NLGN4X: variants seen among roughly 807,000 people sequenced by gnomAD.
NLGN4X encodes the protein neuroligin-4, X-linked.
Under a neutral mutation model 40.3 loss-of-function variants are expected in NLGN4X, and 3 were observed. The ratio of observed to expected loss-of-function variants is 0.07; its 90% CI spans 0.03 to 0.19. NLGN4X has a LOEUF of 0.19. NLGN4X is among the 10% of genes least tolerant of loss of function. NLGN4X has a pLI of 1.00. For missense variants in NLGN4X, 382 were observed against 708.3 expected (o/e 0.54, Z 5.23); for synonymous variants, 270 against 306.8 (o/e 0.88, Z 1.25).
In NLGN4X at chrX:5,891,318, C is replaced by G. The variant is rs1466856540; in HGVS notation, c.*1499G>C. On this transcript the variant is annotated 3_prime_UTR_variant, in exon 6 of 6. Coordinates refer to ENST00000381095, the MANE Select transcript of NLGN4X (RefSeq NM_181332.3). The stretch of plus-strand genomic sequence containing the variant: ...TTCTATCCTTTCTTCCCCCATTCTT[C>G]TATAATATTCACCGTTTGGTGACCG... The G allele has an allele frequency of 6.6e-5, 15 of 227,420 alleles. No individual in the cohort carries two copies. The highest frequency in any genetic ancestry group is 1.2e-4 in the Non-Finnish European group (15 of 126,333). 18.7% of individuals were successfully genotyped at this position (227,420 alleles called of 1,213,427 possible).
In NLGN4X at chrX:6,104,814, G is replaced by A. The variant is rs1301768111; in HGVS notation, c.472+46181C>T. Among the ~76,000 whole-genome samples, 10 of 111,207 alleles carry A rather than the reference G, an allele frequency of 9.0e-5. No individual in the cohort carries two copies. The Admixed American group carries it at 9.6e-4, about 11-fold the overall frequency. On this transcript the variant is annotated intron_variant, in intron 2 of 5. Coordinates refer to ENST00000381095, the MANE Select transcript of NLGN4X (RefSeq NM_181332.3). ...ATACCTGCAAGCCTCCTGCATGGAA[G>A]GTCAGGAGCACGGACAATGTATATG...
chrX:5,998,024 T>C (rs904025666), intron 3 of NLGN4X, among the ~76,000 whole-genome samples: 2 of 111,995 alleles, frequency 1.8e-5, no homozygotes, highest in Non-Finnish European at 3.8e-5. Flanking sequence ...CTTTGCTTAA[T>C]ACAACATCTT....
intron 1 of NLGN4X, among the ~76,000 whole-genome samples, chrX:6,222,637 T>C (rs1304684560): frequency 4.4e-5 from 5 of 112,442 alleles, no homozygotes; most frequent in Admixed American, 3.8e-4. Flanking sequence ...AGGATTACTC[T>C]TTTCCTGTCT....
chrX:5,905,826 C>A (rs1000088613), intron 4 of NLGN4X, among the ~76,000 whole-genome samples: 1 of 111,744 alleles, frequency 8.9e-6, no homozygotes, highest in South Asian at 3.8e-4. Flanking sequence ...ACAACAGATG[C>A]GTCTCTTTTT....
At chrX:6,088,291 C>T (rs767439398) in intron 2 of NLGN4X, among the ~76,000 whole-genome samples, 10 of 112,019 alleles carry the variant, frequency 8.9e-5, no homozygotes, top group Non-Finnish European at 1.7e-4. Flanking sequence ...TTCTTAAGCC[C>T]CTGCAGAAGC....
intron 3 of NLGN4X, among the ~76,000 whole-genome samples, chrX:6,007,674 G>A (rs776751341): frequency 1.6e-4 from 18 of 111,702 alleles, no homozygotes; most frequent in Non-Finnish European, 3.0e-4. Context: ...TGGCCTGCTT[G>A]CATCATGTAA....
At chrX:6,211,287 T>C (rs1372780018) in intron 1 of NLGN4X, among the ~76,000 whole-genome samples, 2 of 111,381 alleles carry the variant, frequency 1.8e-5, no homozygotes, top group Admixed American at 9.6e-5. Flanking sequence ...TAATGAAGAA[T>C]GCCCAATTTG....
intron 3 of NLGN4X, among the ~76,000 whole-genome samples, chrX:5,997,047 G>A (rs1038159079): frequency 9.0e-6 from 1 of 110,705 alleles, no homozygotes; most frequent in Non-Finnish European, 1.9e-5. Flanking sequence ...TAATGCGGTC[G>A]GAAGTTAGTA....
intron 3 of NLGN4X, among the ~76,000 whole-genome samples, chrX:5,967,295 C>T (rs767288709): frequency 1.5e-4 from 17 of 112,007 alleles, no homozygotes; most frequent in African/African-American, 4.8e-4. Context: ...TGATGGTCAG[C>T]GCAACTCCCT....
chrX:5,975,259 T>A (rs920266009), intron 3 of NLGN4X, among the ~76,000 whole-genome samples: 2 of 111,784 alleles, frequency 1.8e-5, no homozygotes, highest in South Asian at 3.7e-4. Flanking sequence ...TGCACTTGTT[T>A]AGGAAGTCAT....
At chrX:6,201,698 G>A (rs1435664344) in intron 1 of NLGN4X, among the ~76,000 whole-genome samples, 2 of 111,364 alleles carry the variant, frequency 1.8e-5, no homozygotes, top group Non-Finnish European at 3.8e-5. Flanking sequence ...GAGGAATTGA[G>A]AGGAGAAGAT....
chrX:5,893,313 T>C lies in NLGN4X; in HGVS notation c.1955A>G (p.Asp652Gly). The change falls in exon 6 of 6, where the codon GAC becomes GGC. Residue 652 changes from aspartate (D) to glycine (G), a missense_variant. Asp to Gly is a moderately conservative substitution (Grantham distance 94). Coordinates refer to ENST00000381095, the MANE Select transcript of NLGN4X (RefSeq NM_181332.3). ...GTCCTCAGGCCCTGTTTTGTGAGGG[T>C]CCTTAGAGTGTTTGGGATTGTTGGC... ...TPANNPKHSKDPHKTGPEDTT... is the reference protein window; with the variant it reads ...TPANNPKHSKGPHKTGPEDTT... The C allele has an allele frequency of 8.3e-7, 1 of 1,210,906 alleles. No homozygotes were observed. Among genetic ancestry groups the C allele is most frequent in the East Asian group, 3.0e-5 (1 of 33,815 alleles).
chrX:6,077,310 G>GTGGTTGTGTGTGGT (rs1168394609), intron 2 of NLGN4X, among the ~76,000 whole-genome samples: 1 of 102,516 alleles, frequency 9.8e-6, no homozygotes, highest in African/African-American at 3.5e-5. Context: ...GTGTGTGTGT[G>GTGGTTGTGTGTGGT]GTGTGTGTGT....
chrX:6,047,071 A>G (rs1361336244), intron 2 of NLGN4X, among the ~76,000 whole-genome samples: 3 of 110,240 alleles, frequency 2.7e-5, no homozygotes, highest in Non-Finnish European at 5.7e-5. Flanking sequence ...ACATATATAC[A>G]TATACATTTT....
In NLGN4X at chrX:6,153,052, A is replaced by T. The variant is rs1418911277; in HGVS notation, c.-305-1281T>A. 2.7e-5 allele frequency among the ~76,000 whole-genome samples: 3 copies of T among 112,882 alleles called. No homozygotes were observed. In the East Asian group the frequency reaches 8.3e-4, roughly 31 times the overall value. Reference sequence around the variant, plus strand: ...ATCCCCTAGGAACAGAAAATATTTCACTAGGTGTTGCAAGGAGGGTGCCTT... The same window carrying T: ...ATCCCCTAGGAACAGAAAATATTTCTCTAGGTGTTGCAAGGAGGGTGCCTT... On this transcript the variant is annotated intron_variant, in intron 1 of 5. Coordinates refer to ENST00000381095, the MANE Select transcript of NLGN4X (RefSeq NM_181332.3).
At chrX:6,225,169 G>A (rs1926102346) in intron 1 of NLGN4X, among the ~76,000 whole-genome samples, 1 of 105,379 alleles carries the variant, frequency 9.5e-6, no homozygotes, top group Admixed American at 1.0e-4. Context: ...TGAAATTCCT[G>A]TATTCTTAAT....
chrX:5,941,104 G>T (rs941166854), intron 3 of NLGN4X, among the ~76,000 whole-genome samples: 7 of 103,249 alleles, frequency 6.8e-5, no homozygotes, highest in Non-Finnish European at 1.2e-4. Context: ...CTCCAGCGTG[G>T]GTGACAGAGT....
rs377695989 is a variant in NLGN4X at position 6,003,367 on chromosome X, G to A, written c.625+25913C>T. ...TTTTGCTCTAAAGTGCCTTGCACTGGTTTATTTCATAACCTTCACTATGGT... is the reference window on the plus strand; with the variant it reads ...TTTTGCTCTAAAGTGCCTTGCACTGATTTATTTCATAACCTTCACTATGGT... On this transcript the variant is annotated intron_variant, in intron 3 of 5. Transcript: ENST00000381095. 1.1e-4 allele frequency among the ~76,000 whole-genome samples: 12 copies of A among 112,621 alleles called. No homozygotes were observed. The East Asian group carries it at 2.0e-3, about 18-fold the overall frequency.
chrX:5,952,678 A>C (rs2146948956), intron 3 of NLGN4X, among the ~76,000 whole-genome samples: 1 of 111,471 alleles, frequency 9.0e-6, no homozygotes, highest in Admixed American at 9.5e-5. Flanking sequence ...GATCTATTTT[A>C]AGGAATTGGC....
Sources: gnomAD v4.1 joint callset for allele counts (sites outside exome capture counted in the v4.1 genomes callset) on GRCh38, gnomAD v4.1.1 for gene constraint, MANE v1.5 for transcripts, NCBI Gene and HGNC (gene_info 2026-07-23, HGNC 2026-07-21) for gene names.